The following PALD1 variants were observed in gnomAD, a reference collection of about 807,000 sequenced individuals.
The protein encoded by PALD1 is paladin.
In PALD1, 57 loss-of-function variants were observed where a neutral mutation model predicts 96.0. That is an observed-to-expected ratio of 0.59 (90% CI 0.48 to 0.74). PALD1 has a LOEUF of 0.74. Among genes scored for constraint, PALD1 ranks in the 30% least tolerant of loss-of-function variants. The pLI, the probability that PALD1 is intolerant of heterozygous loss-of-function variation, is 0.00. For missense variants in PALD1, 1,063 were observed against 1,143.7 expected, an observed-to-expected ratio of 0.93 and a Z score of 1.02; for synonymous variants, 464 against 473.6, an observed-to-expected ratio of 0.98 and a Z score of 0.26.
At position 70,533,027 on chromosome 10, in the gene PALD1, G is replaced by A; in HGVS notation, c.827G>A (p.Ser276Asn). The A allele has an allele frequency of 6.3e-7, 1 of 1,587,108 alleles. No individual in the cohort carries two copies. Among genetic ancestry groups the A allele is most frequent in the South Asian group, 1.1e-5 (1 of 87,174 alleles). ...CGCCTGCCCCTGCCCGAGCAAGGGA[G>A]TCCCCTGGAGGCCCAGTTGGACGCC... ...YHRLPLPEQG[S>N]PLEAQLDAFV... Residue 276 changes from serine to asparagine, a missense_variant, in exon 7 of 20, where the codon AGT becomes AAT. Ser to Asn is a conservative substitution (Grantham distance 46, BLOSUM62 1). Transcript: ENST00000263563.
chr10:70,479,379 T>C (rs4747034), intron 1 of PALD1, among the ~76,000 whole-genome samples: 141,953 of 152,176 alleles, frequency 0.93, 66,469 homozygotes, highest in East Asian at 1. Context: ...AGCTAGGGTT[T>C]CCCGCGAAGT....
intron 2 of PALD1, among the ~76,000 whole-genome samples, chr10:70,527,405 A>G (rs552428192): frequency 2.0e-4 from 31 of 152,292 alleles, no homozygotes; most frequent in South Asian, 1.4e-3. Context: ...AGATCATCCA[A>G]TAGAGGGGTC....
chr10:70,458,682 C>G, the PALD1 span, among the ~76,000 whole-genome samples: 1 of 152,210 alleles, frequency 6.6e-6, no homozygotes, highest in African/African-American at 2.4e-5. Flanking sequence ...CCTAGTGAGA[C>G]AGAGACGCTC....
upstream of PALD1, among the ~76,000 whole-genome samples, chr10:70,475,712 A>G (rs1190726824): frequency 6.6e-6 from 1 of 152,138 alleles, no homozygotes; most frequent in African/African-American, 2.4e-5. Flanking sequence ...CCTGGAGGGA[A>G]TCTGGGGTTC....
intron 1 of PALD1, among the ~76,000 whole-genome samples, chr10:70,519,573 C>CTTT (rs1192092171): frequency 0.027 from 3,570 of 133,614 alleles, 113 homozygotes; most frequent in African/African-American, 0.073. Context: ...TTCTTTCTTT[C>CTTT]TTTTTTTTTT....
intron 17 of PALD1, 69 bp downstream of exon 17, chr10:70,541,603 G>C: frequency 8.6e-7 from 1 of 1,157,598 alleles, no homozygotes; most frequent in South Asian, 1.3e-5. Flanking sequence ...CTGCTTGCCG[G>C]TCTAGGGGTC....
chr10:70,520,420 T>A (rs1380596414), intron 1 of PALD1, among the ~76,000 whole-genome samples: 1 of 152,224 alleles, frequency 6.6e-6, no homozygotes, highest in East Asian at 1.9e-4. Flanking sequence ...CCCAAGATAT[T>A]TAGGAATCAG....
At chr10:70,497,727 T>C (rs747505128) in intron 1 of PALD1, among the ~76,000 whole-genome samples, 3 of 151,586 alleles carry the variant, frequency 2.0e-5, no homozygotes, top group Non-Finnish European at 4.4e-5. Context: ...CCACCATGCC[T>C]GGCTAATTTG....
intron 18 of PALD1, among the ~76,000 whole-genome samples, chr10:70,562,569 C>T (rs978494223): frequency 4.6e-5 from 7 of 152,186 alleles, no homozygotes; most frequent in South Asian, 2.1e-4. Context: ...CAGCCCTTTC[C>T]GGCTCCCAGA....
intron 17 of PALD1, 62 bp downstream of exon 17, chr10:70,541,596 C>T: frequency 2.4e-6 from 3 of 1,272,118 alleles, no homozygotes. Context: ...AGGACTCCTG[C>T]TTGCCGGTCT....
intron 18 of PALD1, among the ~76,000 whole-genome samples, chr10:70,548,210 C>A (rs1165123439): frequency 6.6e-6 from 1 of 151,912 alleles, no homozygotes; most frequent in East Asian, 1.9e-4. Context: ...GAGGCTGAGA[C>A]AGGAGAATTG....
At chr10:70,545,146 C>T (rs190861401) in intron 17 of PALD1, among the ~76,000 whole-genome samples, 64 of 125,192 alleles carry the variant, frequency 5.1e-4, no homozygotes, top group African/African-American at 1.8e-3. Context: ...CTGTCGACCA[C>T]GGGACAGGGC....
intron 1 of PALD1, among the ~76,000 whole-genome samples, chr10:70,500,027 A>G (rs1164874040): frequency 1.3e-5 from 2 of 152,132 alleles, no homozygotes; most frequent in Non-Finnish European, 2.9e-5. Flanking sequence ...GGGTGTGGGC[A>G]TGGACTTCAC....
the PALD1 span, among the ~76,000 whole-genome samples, chr10:70,461,493 AG>A: frequency 6.6e-6 from 1 of 152,248 alleles, no homozygotes; most frequent in African/African-American, 2.4e-5. Flanking sequence ...CCAGGCACAC[AG>A]TCAGCACCCA....
chr10:70,510,540 C>T (rs945074235), intron 1 of PALD1, among the ~76,000 whole-genome samples: 1 of 152,202 alleles, frequency 6.6e-6, no homozygotes, highest in African/African-American at 2.4e-5. Flanking sequence ...CAGGAGCCAG[C>T]CTTTTTCAGA....
At chr10:70,535,636 TCCTCCTC>T (rs1564701894) in intron 10 of PALD1, among the ~76,000 whole-genome samples, 3 of 147,474 alleles carry the variant, frequency 2.0e-5, no homozygotes, top group Non-Finnish European at 4.5e-5. Context: ...CTTCTCGTCT[TCCTCCTC>T]CCTCCTCCCT....
At chr10:70,463,216 A>T in the PALD1 span, among the ~76,000 whole-genome samples, 7 of 152,184 alleles carry the variant, frequency 4.6e-5, no homozygotes, top group South Asian at 2.1e-4. Context: ...CATCCTGGCT[A>T]ACACGGTGAA....
intron 1 of PALD1, among the ~76,000 whole-genome samples, chr10:70,493,307 G>C (rs1445511383): frequency 2.6e-5 from 4 of 152,216 alleles, no homozygotes; most frequent in Non-Finnish European, 5.9e-5. Flanking sequence ...ATAAACAAGA[G>C]GTGCTTACTG....
intron 18 of PALD1, among the ~76,000 whole-genome samples, chr10:70,548,229 C>T (rs371798345): frequency 1.1e-4 from 16 of 151,946 alleles, no homozygotes; most frequent in Non-Finnish European, 2.9e-5. Context: ...TGCTTGAACC[C>T]GGGAGGCGGA....
Sources: allele counts gnomAD v4.1 joint callset (sites outside exome capture counted in the v4.1 genomes callset), GRCh38; gene constraint gnomAD v4.1.1; transcripts MANE v1.5; gene names NCBI Gene and HGNC (gene_info 2026-07-23, HGNC 2026-07-21).